Variants in PDE6A observed in about 807,000 individuals in gnomAD.
PDE6A encodes phosphodiesterase 6A.
Under a neutral mutation model 106.3 loss-of-function variants are expected in PDE6A, and 84 were observed. That is an observed-to-expected ratio of 0.79 (90% CI 0.66 to 0.95). The LOEUF (loss-of-function observed/expected upper bound fraction) is 0.95. PDE6A is among the 40% of genes least tolerant of loss of function. The pLI, the probability that PDE6A is intolerant of heterozygous loss-of-function variation, is 0.00. For missense variants in PDE6A, 1,052 were observed against 1,084.9 expected (o/e 0.97, Z 0.43); for synonymous variants, 394 against 386.6 (o/e 1.02, Z -0.23).
At chr5:149,916,087 C>T (rs1753542586) in intron 5 of PDE6A, among the ~76,000 whole-genome samples, 1 of 152,196 alleles carries the variant, frequency 6.6e-6, no homozygotes, top group African/African-American at 2.4e-5. Context: ...ATCCTCCTGC[C>T]TTGGCTTCCC....
chr5:149,895,639 A>C (rs564838733), intron 12 of PDE6A, among the ~76,000 whole-genome samples: 16 of 152,062 alleles, frequency 1.1e-4, no homozygotes, highest in South Asian at 4.2e-4. Context: ...ACAGGGAAAA[A>C]AAAAACAAAA....
chr5:149,870,963 G>GAAAAA (rs750777912), intron 17 of PDE6A, among the ~76,000 whole-genome samples: 6 of 145,846 alleles, frequency 4.1e-5, no homozygotes, highest in Admixed American at 6.8e-5. Context: ...GAAAAGAAAA[G>GAAAAA]AAAAAAAGAA....
chr5:149,907,729 T>C (rs894503549), intron 6 of PDE6A, among the ~76,000 whole-genome samples: 2 of 152,202 alleles, frequency 1.3e-5, no homozygotes, highest in Non-Finnish European at 2.9e-5. Context: ...ATGAAAAAAT[T>C]CATCTATGGA....
At chr5:149,912,424 T>C (rs891990528) in intron 6 of PDE6A, among the ~76,000 whole-genome samples, 2 of 152,230 alleles carry the variant, frequency 1.3e-5, no homozygotes, top group African/African-American at 4.8e-5. Context: ...TGGCTGTCTA[T>C]CCTGGGCACA....
Position 149,896,552 on chromosome 5 carries a change from G to T in PDE6A, c.1474-50C>A, listed in dbSNP as rs201165462. 1.3e-4 allele frequency: 208 copies of T among 1,614,052 alleles called. 1 individual carries two copies. In the East Asian group the frequency reaches 4.4e-3, roughly 34 times the overall value. On this transcript the variant is annotated intron_variant, in intron 11 of 21. Transcript: ENST00000255266. ...ATTAGGAAACATGAAGTGTTTCTGG[G>T]TGCCCACCTCCTGTCCAGCCCTGTC...
In PDE6A at chr5:149,879,403, AT is replaced by A. The variant is rs928837288; in HGVS notation, c.2135+4025del. On this transcript the variant is annotated intron_variant, in intron 17 of 21. Transcript: ENST00000255266. The stretch of plus-strand genomic sequence containing the variant: ...CACATTTTGAAAAGCTCGCTCTGAA[AT>A]TTTTTTTTTTTAGGTTTTTTTTTTA... Among the ~76,000 whole-genome samples, 170 of 143,976 alleles carry A rather than the reference AT, an allele frequency of 1.2e-3. 1 individual carries two copies. The highest frequency in any genetic ancestry group is 3.6e-3 in the Middle Eastern group (1 of 276). 94.5% of individuals were successfully genotyped at this position (143,976 alleles called of 152,430 possible). A position where few individuals can be genotyped will look rare whatever the true frequency, so the allele number is the denominator to read the frequency against.
In PDE6A at chr5:149,896,725, G is replaced by T; in HGVS notation, c.1459C>A (p.Leu487Met). 2 of 1,614,114 alleles carry T rather than the reference G, an allele frequency of 1.2e-6. No individual in the cohort carries two copies. The highest frequency in any genetic ancestry group is 2.2e-5 in the East Asian group (1 of 44,888). Residue 487 changes from leucine (L) to methionine (M), a missense_variant, in exon 11 of 22, where the codon CTG becomes ATG. Leu to Met is a conservative substitution (Grantham distance 15). This residue lies in a region of PDE6A where 913 missense variants were observed against 915.2 expected (regional missense o/e 1.00). Coordinates refer to ENST00000255266, the MANE Select transcript of PDE6A (RefSeq NM_000440.3). The stretch of plus-strand genomic sequence containing the variant: ...GTTCAGCTCACCAGGATCTCAGCCA[G>T]CTCCTCTTCCTCACACTCCCATGGC... ...KEPWECEEEE[L>M]AEILQAELPD...
intron 13 of PDE6A, among the ~76,000 whole-genome samples, chr5:149,890,941 A>C (rs577157476): frequency 2.7e-4 from 41 of 152,266 alleles, no homozygotes; most frequent in Non-Finnish European, 5.1e-4. Context: ...CAAGTTACCT[A>C]TGATAACCTA....
At chr5:149,913,526 T>C (rs1456260592) in intron 6 of PDE6A, among the ~76,000 whole-genome samples, 1 of 152,190 alleles carries the variant, frequency 6.6e-6, no homozygotes, top group Non-Finnish European at 1.5e-5. Context: ...AACTTGTTTA[T>C]CTGGGTGACG....
rs1581162646 is a variant in PDE6A, at chr5:149,880,972, A to T, written c.2135+2457T>A. On this transcript the variant is annotated intron_variant, in intron 17 of 21. Transcript: ENST00000255266. Reference sequence around the variant, plus strand: ...CAGCTACTGTGGAGGCTGAGGCACGAGAATTGCTTGAACCCAGGAGGTGCA... The same window carrying T: ...CAGCTACTGTGGAGGCTGAGGCACGTGAATTGCTTGAACCCAGGAGGTGCA... 2.0e-5 allele frequency among the ~76,000 whole-genome samples: 3 copies of T among 152,242 alleles called. No individual in the cohort carries two copies. In the South Asian group the frequency reaches 6.2e-4, roughly 32 times the overall value.
At chr5:149,887,911 T>A (rs1287644038) in intron 13 of PDE6A, among the ~76,000 whole-genome samples, 1 of 152,192 alleles carries the variant, frequency 6.6e-6, no homozygotes, top group Admixed American at 6.5e-5. Context: ...TGGTTCCTAC[T>A]TCTGTAGATT....
chr5:149,913,893 G>C (rs933842392), intron 6 of PDE6A, among the ~76,000 whole-genome samples: 2 of 152,188 alleles, frequency 1.3e-5, no homozygotes, highest in Non-Finnish European at 2.9e-5. Flanking sequence ...TGGTCATTGA[G>C]TCTCAGCTAC....
intron 7 of PDE6A, among the ~76,000 whole-genome samples, chr5:149,904,681 A>G (rs1015408841): frequency 3.9e-5 from 6 of 152,012 alleles, no homozygotes; most frequent in Admixed American, 6.6e-5. Context: ...GGTCTTAGAG[A>G]GCAGGCTGTA....
rs752469869 is a variant in PDE6A at position 149,896,752 on chromosome 5, C to T, written c.1432G>A (p.Glu478Lys). The T allele has an allele frequency of 1.2e-6, 2 of 1,614,172 alleles. No individual in the cohort carries two copies. Among genetic ancestry groups the T allele is most frequent in the Non-Finnish European group, 8.5e-7 (1 of 1,180,038 alleles). The change falls in exon 11 of 22, where the codon GAG (glutamate) becomes AAG (lysine). Residue 478 changes from glutamate to lysine, a missense_variant. Glu to Lys is a moderately conservative substitution (Grantham distance 56). Coordinates refer to ENST00000255266, the MANE Select transcript of PDE6A (RefSeq NM_000440.3). ...TCCTCTTCCTCACACTCCCATGGCT[C>T]CTTCCCATACACCTCTCTGGTTTTC... ...ILKTREVYGKEPWECEEEELA... is the reference protein window; with the variant it reads ...ILKTREVYGKKPWECEEEELA...
intron 4 of PDE6A, among the ~76,000 whole-genome samples, chr5:149,928,472 G>A (rs539786729): frequency 5.9e-5 from 9 of 151,676 alleles, no homozygotes; most frequent in East Asian, 3.9e-4. Flanking sequence ...TCCTGACCTC[G>A]TGATCCGCCT....
At chr5:149,874,805 G>A (rs556291282) in intron 17 of PDE6A, among the ~76,000 whole-genome samples, 11 of 152,222 alleles carry the variant, frequency 7.2e-5, no homozygotes, top group African/African-American at 2.6e-4. Context: ...TAGGATCTCT[G>A]TCAGGAACCA....
chr5:149,918,681 G>A (rs1452032306), intron 5 of PDE6A, among the ~76,000 whole-genome samples: 1 of 151,946 alleles, frequency 6.6e-6, no homozygotes, highest in Non-Finnish European at 1.5e-5. Flanking sequence ...GCACAATCTT[G>A]GCTCACTGGA....
intron 5 of PDE6A, among the ~76,000 whole-genome samples, chr5:149,915,343 C>T (rs1375313376): frequency 1.3e-5 from 2 of 152,162 alleles, no homozygotes; most frequent in Non-Finnish European, 2.9e-5. Context: ...AATAGAAGTT[C>T]AACAGGAGTA....
intron 4 of PDE6A, among the ~76,000 whole-genome samples, chr5:149,926,303 A>C (rs1407171548): frequency 6.6e-6 from 1 of 152,210 alleles, no homozygotes; most frequent in African/African-American, 2.4e-5. Flanking sequence ...TAGAGAATCC[A>C]GAAACAGACC....
Sources: gnomAD v4.1 joint callset for allele counts (sites outside exome capture counted in the v4.1 genomes callset) on GRCh38, gnomAD v4.1.1 for gene constraint, gnomAD v4.1.1 regional missense constraint, MANE v1.5 for transcripts, NCBI Gene and HGNC (gene_info 2026-07-23, HGNC 2026-07-21) for gene names.